CDKAL1: variants seen among roughly 807,000 people sequenced by gnomAD.
CDKAL1 encodes CDKAL1 threonylcarbamoyladenosine tRNA methylthiotransferase, also known as threonylcarbamoyladenosine tRNA methylthiotransferase.
Under a neutral mutation model 68.2 loss-of-function variants are expected in CDKAL1, and 32 were observed. The ratio of observed to expected loss-of-function variants is 0.47; its 90% CI spans 0.35 to 0.63. CDKAL1 has a LOEUF of 0.63. Ranked by LOEUF, CDKAL1 falls within the 30% of genes least tolerant of loss-of-function variation. The pLI is 0.00. For missense variants in CDKAL1, 606 were observed against 696.7 expected (o/e 0.87, Z 1.47); for synonymous variants, 234 against 244.3 (o/e 0.96, Z 0.39).
intron 14 of CDKAL1, among the ~76,000 whole-genome samples, chr6:21,198,465 A>G (rs760727942): frequency 7.9e-4 from 121 of 152,330 alleles, no homozygotes; most frequent in Non-Finnish European, 1.3e-3. Context: ...GGGCGACAGC[A>G]GCATGAAAGG....
chr6:20,733,524 A>G (rs1773052420), intron 5 of CDKAL1, among the ~76,000 whole-genome samples: 1 of 152,212 alleles, frequency 6.6e-6, no homozygotes, highest in South Asian at 2.1e-4. Flanking sequence ...CATTCTAGAG[A>G]ATGAAGAGGA....
intron 13 of CDKAL1, among the ~76,000 whole-genome samples, chr6:21,145,956 T>A (rs1251550563): frequency 6.6e-6 from 1 of 152,198 alleles, no homozygotes; most frequent in Non-Finnish European, 1.5e-5. Flanking sequence ...TCAGTACTGT[T>A]GACAATAGGC....
At chr6:20,542,620 G>A (rs1006016532) in intron 2 of CDKAL1, among the ~76,000 whole-genome samples, 10 of 151,606 alleles carry the variant, frequency 6.6e-5, no homozygotes, top group East Asian at 1.9e-4. Context: ...CATAATTACC[G>A]CTTTACCTGC....
At chr6:20,818,817 G>A (rs1008982744) in intron 8 of CDKAL1, among the ~76,000 whole-genome samples, 33 of 151,818 alleles carry the variant, frequency 2.2e-4, no homozygotes, top group Admixed American at 6.6e-5. Context: ...GTGAGATAAT[G>A]TAATACCCTG....
chr6:21,140,655 A>G (rs1289517289), intron 13 of CDKAL1, among the ~76,000 whole-genome samples: 1 of 152,156 alleles, frequency 6.6e-6, no homozygotes, highest in Non-Finnish European at 1.5e-5. Flanking sequence ...CGGAGATGCT[A>G]AACATGCTAA....
intron 8 of CDKAL1, among the ~76,000 whole-genome samples, chr6:20,811,351 G>C (rs1454406781): frequency 1.3e-5 from 2 of 152,172 alleles, no homozygotes; most frequent in East Asian, 1.9e-4. Flanking sequence ...GATAAATGTC[G>C]AGACGCTGAG....
chr6:20,677,457 C>T (rs112307295), intron 5 of CDKAL1, among the ~76,000 whole-genome samples: 6,389 of 149,702 alleles, frequency 0.043, 461 homozygotes, highest in African/African-American at 0.15. Context: ...TTACTCTTGT[C>T]GCCCAGGCTG....
intron 9 of CDKAL1, among the ~76,000 whole-genome samples, chr6:20,952,461 T>C (rs2150721454): frequency 6.6e-6 from 1 of 152,224 alleles, no homozygotes; most frequent in South Asian, 2.1e-4. Flanking sequence ...ATGCAAAGGG[T>C]CCAGGACGTT....
At chr6:20,810,330 T>C (rs896706900) in intron 8 of CDKAL1, among the ~76,000 whole-genome samples, 1 of 151,118 alleles carries the variant, frequency 6.6e-6, no homozygotes, top group African/African-American at 2.4e-5. Context: ...AATATACCAG[T>C]TATGTGTTTG....
chr6:21,202,715 C>A (rs184683754), intron 15 of CDKAL1, among the ~76,000 whole-genome samples: 1 of 152,176 alleles, frequency 6.6e-6, no homozygotes, highest in African/African-American at 2.4e-5. Flanking sequence ...GTAAACATCA[C>A]CATTGATAAT....
intron 9 of CDKAL1, among the ~76,000 whole-genome samples, chr6:20,859,835 C>T (rs991300976): frequency 6.6e-6 from 1 of 152,184 alleles, no homozygotes; most frequent in Non-Finnish European, 1.5e-5. Context: ...CATCCTGTTG[C>T]ACTTTCTCTA....
chr6:20,554,736 A>C (rs916322037), intron 4 of CDKAL1, among the ~76,000 whole-genome samples: 1 of 152,232 alleles, frequency 6.6e-6, no homozygotes, highest in Non-Finnish European at 1.5e-5. Context: ...TAGGCTTCCA[A>C]GGTGACTGCT....
At chr6:20,593,521 C>G (rs1172049467) in intron 4 of CDKAL1, among the ~76,000 whole-genome samples, 1 of 151,126 alleles carries the variant, frequency 6.6e-6, no homozygotes, top group Non-Finnish European at 1.5e-5. Flanking sequence ...GTGATCTCCC[C>G]TTTATCATTT....
intron 13 of CDKAL1, among the ~76,000 whole-genome samples, chr6:21,115,374 C>G (rs1434479444): frequency 6.6e-6 from 1 of 152,138 alleles, no homozygotes; most frequent in Non-Finnish European, 1.5e-5. Context: ...TGGATTCTTG[C>G]CTGCTGGCCC....
chr6:20,702,254 T>A (rs1338103882), intron 5 of CDKAL1, among the ~76,000 whole-genome samples: 1 of 152,166 alleles, frequency 6.6e-6, no homozygotes, highest in Admixed American at 6.5e-5. Context: ...TCTGACCCCA[T>A]GGCAGTGTCT....
intron 12 of CDKAL1, among the ~76,000 whole-genome samples, chr6:21,065,849 C>G (rs541948417): frequency 1.3e-5 from 2 of 151,888 alleles, no homozygotes; most frequent in East Asian, 3.9e-4. Context: ...AAACAAATAT[C>G]TACTTTCTAG....
chr6:20,792,323 C>A (rs775113906), intron 8 of CDKAL1, among the ~76,000 whole-genome samples: 1 of 152,024 alleles, frequency 6.6e-6, no homozygotes, highest in African/African-American at 2.4e-5. Context: ...GGGTTTAAAA[C>A]GAGGTCATTT....
chr6:20,824,074 A>G (rs182462309), intron 8 of CDKAL1, among the ~76,000 whole-genome samples: 14 of 152,240 alleles, frequency 9.2e-5, no homozygotes, highest in African/African-American at 3.1e-4. Context: ...CTTAAAGTCT[A>G]CTTTCAAGTG....
Position 20,991,706 on chromosome 6 carries a change from C to CAAAAAAAAAAA in CDKAL1, c.910-8506_910-8496dup, listed in dbSNP as rs35504365. Among the ~76,000 whole-genome samples, 2 of 59,620 alleles carry CAAAAAAAAAAA rather than the reference C, an allele frequency of 3.4e-5. 1 individual carries two copies. The allele number at this position is 59,620 out of a possible 152,430, so 39.1% of individuals were successfully genotyped here. On this transcript the variant is annotated intron_variant, in intron 10 of 15. Transcript: ENST00000274695. ...TGGGTGACAGAGTGATATTCCCTCT[C>CAAAAAAAAAAA]AAAAAAAAAAAAAAAAAAAAAAAAA...
Sources: gnomAD v4.1 joint callset for allele counts (sites outside exome capture counted in the v4.1 genomes callset) on GRCh38, gnomAD v4.1.1 for gene constraint, MANE v1.5 for transcripts, NCBI Gene and HGNC (gene_info 2026-07-23, HGNC 2026-07-21) for gene names.